ALK: variants seen among roughly 807,000 people sequenced by gnomAD.
ALK encodes ALK tyrosine kinase receptor.
ALK carries 74 observed loss-of-function variants against 163.1 expected under a neutral mutation model. The ratio of observed to expected loss-of-function variants is 0.45; its 90% CI spans 0.38 to 0.55. The LOEUF is 0.55. ALK is among the 20% of genes least tolerant of loss of function. The pLI is 0.00. For synonymous variants in ALK, 960 were observed against 843.2 expected, an observed-to-expected ratio of 1.14 and a Z score of -2.40; for missense variants, 2,063 against 2,105.3, an observed-to-expected ratio of 0.98 and a Z score of 0.39.
chr2:29,569,998 C>A (rs1384376103), intron 3 of ALK, among the ~76,000 whole-genome samples: 4 of 152,164 alleles, frequency 2.6e-5, no homozygotes, highest in African/African-American at 7.2e-5. Flanking sequence ...AGAAATGACC[C>A]CAGGCCTGAA....
chr2:29,380,381 G>T (rs1316082316), intron 5 of ALK, among the ~76,000 whole-genome samples: 1 of 151,796 alleles, frequency 6.6e-6, no homozygotes, highest in Non-Finnish European at 1.5e-5. Flanking sequence ...TGGGATTACA[G>T]GCATGAGCCA....
At chr2:29,247,050 G>C (rs1664695465) in intron 12 of ALK, among the ~76,000 whole-genome samples, 1 of 152,184 alleles carries the variant, frequency 6.6e-6, no homozygotes, top group African/African-American at 2.4e-5. Context: ...TAGGGCCTTC[G>C]AACTTAACCC....
intron 2 of ALK, among the ~76,000 whole-genome samples, chr2:29,706,969 T>A (rs1315088298): frequency 8.1e-6 from 1 of 123,460 alleles, no homozygotes; most frequent in African/African-American, 2.9e-5. Context: ...GAAACACTCA[T>A]GCAGAATGTG....
intron 8 of ALK, among the ~76,000 whole-genome samples, chr2:29,313,352 C>G (rs986529596): frequency 6.6e-5 from 10 of 152,170 alleles, no homozygotes; most frequent in African/African-American, 2.4e-4. Context: ...ACCCAATGAA[C>G]AAACTCCATT....
At chr2:29,454,346 A>T (rs1405623523) in intron 4 of ALK, among the ~76,000 whole-genome samples, 1 of 152,204 alleles carries the variant, frequency 6.6e-6, no homozygotes, top group East Asian at 1.9e-4. Flanking sequence ...CTTTCCATAT[A>T]CTTTAAATCA....
At chr2:29,482,928 C>A (rs963222522) in intron 4 of ALK, among the ~76,000 whole-genome samples, 1 of 152,130 alleles carries the variant, frequency 6.6e-6, no homozygotes, top group African/African-American at 2.4e-5. Context: ...GTGCCAATGG[C>A]AGCATGCTTT....
intron 4 of ALK, among the ~76,000 whole-genome samples, chr2:29,402,037 G>A (rs902971221): frequency 1.5e-4 from 23 of 152,360 alleles, no homozygotes; most frequent in African/African-American, 5.3e-4. Flanking sequence ...GCAGGTTAGA[G>A]TTGGGCTGTG....
chr2:29,594,188 A>C (rs975566018), intron 3 of ALK, among the ~76,000 whole-genome samples: 10 of 152,170 alleles, frequency 6.6e-5, no homozygotes, highest in African/African-American at 2.4e-4. Flanking sequence ...ATATTTTATA[A>C]AGGTAATAAA....
chr2:29,917,668 T>C (rs1173836493), intron 1 of ALK, among the ~76,000 whole-genome samples: 1 of 152,190 alleles, frequency 6.6e-6, no homozygotes, highest in Non-Finnish European at 1.5e-5. Flanking sequence ...AGACAGCATA[T>C]GTCCTCAGAG....
intron 3 of ALK, among the ~76,000 whole-genome samples, chr2:29,671,239 A>G (rs192735956): frequency 6.6e-6 from 1 of 152,212 alleles, no homozygotes; most frequent in Admixed American, 6.5e-5. Context: ...GCGCTAATAA[A>G]TAGTCAAAGT....
At position 29,920,668 on chromosome 2, in the gene ALK, A is replaced by C; in HGVS notation, c.-9T>G. On this transcript the variant is annotated 5_prime_UTR_variant, in exon 1 of 29. Transcript: ENST00000389048. ...AGCCCGATGGCTCCCATCCCGCCGG[A>C]GGAGGCCGTTTACACTGCTCTCCGG... 1 of 1,534,442 alleles carries C rather than the reference A, an allele frequency of 6.5e-7. No individual in the cohort carries two copies. The highest frequency in any genetic ancestry group is 2.3e-4 in the Middle Eastern group (1 of 4,396).
chr2:29,452,332 G>GTTTTTTTTTTTTTTTT (rs66533654), intron 4 of ALK, among the ~76,000 whole-genome samples: 1 of 146,108 alleles, frequency 6.8e-6, no homozygotes, highest in Non-Finnish European at 1.5e-5. Flanking sequence ...AGTTTTTTTT[G>GTTTTTTTTTTTTTTTT]TTTTTTTTTT....
chr2:29,461,238 C>T (rs1671077269), intron 4 of ALK, among the ~76,000 whole-genome samples: 1 of 152,168 alleles, frequency 6.6e-6, no homozygotes, highest in Non-Finnish European at 1.5e-5. Context: ...CATAAAAGTA[C>T]AAAGTGAAGC....
chr2:29,674,649 G>A (rs1389697487), intron 3 of ALK, among the ~76,000 whole-genome samples: 1 of 151,592 alleles, frequency 6.6e-6, no homozygotes, highest in Non-Finnish European at 1.5e-5. Flanking sequence ...TCTTGGTTGT[G>A]TCTCTGCCAG....
chr2:29,518,373 C>T (rs1036527753), intron 4 of ALK, among the ~76,000 whole-genome samples: 7 of 152,088 alleles, frequency 4.6e-5, no homozygotes, highest in African/African-American at 9.7e-5. Context: ...AATTTCTTTC[C>T]GAATCAGACA....
intron 1 of ALK, among the ~76,000 whole-genome samples, chr2:29,773,215 TA>T (rs1028963870): frequency 2.6e-4 from 39 of 149,500 alleles, no homozygotes; most frequent in Non-Finnish European, 4.6e-4. Context: ...TTTCTATCAG[TA>T]AAATACACAG....
intron 1 of ALK, among the ~76,000 whole-genome samples, chr2:29,793,431 A>G (rs920310554): frequency 6.6e-6 from 1 of 152,122 alleles, no homozygotes; most frequent in African/African-American, 2.4e-5. Flanking sequence ...ACCTCCTCCC[A>G]TGCATTAAAA....
At chr2:29,674,972 G>A (rs904007104) in intron 3 of ALK, among the ~76,000 whole-genome samples, 6 of 148,564 alleles carry the variant, frequency 4.0e-5, no homozygotes, top group Non-Finnish European at 8.9e-5. Context: ...AGAGGTGTTT[G>A]TAGTATTCTC....
intron 2 of ALK, among the ~76,000 whole-genome samples, chr2:29,715,703 C>A (rs547485375): frequency 3.3e-4 from 50 of 152,266 alleles, no homozygotes; most frequent in African/African-American, 1.1e-3. Context: ...GGAGCAAAAT[C>A]AAAAATGTTA....
Sources: allele counts gnomAD v4.1 joint callset (sites outside exome capture counted in the v4.1 genomes callset), GRCh38; gene constraint gnomAD v4.1.1; transcripts MANE v1.5; gene names NCBI Gene and HGNC (gene_info 2026-07-23, HGNC 2026-07-21).